The following DOCK6 variants were observed in gnomAD, a reference collection of about 807,000 sequenced individuals.
DOCK6 encodes dedicator of cytokinesis protein 6.
Under a neutral mutation model 230.3 loss-of-function variants are expected in DOCK6, and 167 were observed. The ratio of observed to expected loss-of-function variants is 0.73; its 90% CI spans 0.64 to 0.82. The LOEUF is 0.82. Ranked by LOEUF, DOCK6 falls within the 40% of genes least tolerant of loss-of-function variation. The pLI is 0.00. For synonymous variants in DOCK6, 1,148 were observed against 1,185.0 expected, an observed-to-expected ratio of 0.97 and a Z score of 0.64; for missense variants, 2,598 against 2,825.8, an observed-to-expected ratio of 0.92 and a Z score of 1.83.
In DOCK6 at chr19:11,228,966, G is replaced by T. The variant is rs1318111986; in HGVS notation, c.2788C>A (p.His930Asn). ...ATGAGCTGGAAGAAGAACCAGGCGT[G>T]CTGGAGGATGGCCTCGCGTACGGCA... ...SSAVREAILQ[H>N]AWFFFQLMVK... The change falls in exon 23 of 48, where the codon CAC becomes AAC. Residue 930 changes from histidine (H) to asparagine (N), a missense_variant. Coordinates refer to ENST00000294618, the MANE Select transcript of DOCK6 (RefSeq NM_020812.4). The T allele has an allele frequency of 3.7e-6, 6 of 1,613,700 alleles. No individual in the cohort carries two copies. The highest frequency in any genetic ancestry group is 5.1e-6 in the Non-Finnish European group (6 of 1,179,790).
Position 11,237,704 on chromosome 19 carries a change from G to A in DOCK6, c.1908C>T (p.Thr636=), listed in dbSNP as rs545383371. Residue 636 remains threonine, a synonymous_variant, in exon 17 of 48, where the codon ACC becomes ACT. Coordinates refer to ENST00000294618, the MANE Select transcript of DOCK6 (RefSeq NM_020812.4). ...CVTENHHLLF[T]FYHVSCQPRP... Reference sequence around the variant, plus strand: ...GGGGCTGGCAGCTGACATGGTAGAAGGTGAACAGCAGGTGATGGTTCTCTG... The same window carrying A: ...GGGGCTGGCAGCTGACATGGTAGAAAGTGAACAGCAGGTGATGGTTCTCTG... The A allele has an allele frequency of 2.7e-5, 43 of 1,591,108 alleles. 1 individual carries two copies. The South Asian group carries it at 4.9e-4, about 18-fold the overall frequency.
intron 22 of DOCK6, chr19:11,229,317 A>T: frequency 8.4e-7 from 1 of 1,184,146 alleles, no homozygotes; most frequent in Non-Finnish European, 1.1e-6. Context: ...AGTGGGTCTC[A>T]GCTGGGTGGC....
rs2147853794 is a variant in DOCK6, at chr19:11,243,713, G to A, written c.1105-3C>T. On this transcript the variant is annotated splice_polypyrimidine_tract_variant and splice_region_variant and intron_variant, in intron 10 of 47. Transcript: ENST00000294618. This position sits in a 1 kb window ranked among gnomAD's most constrained non-coding sequence, Gnocchi z 6.3. Reference sequence around the variant, plus strand: ...AGCTTCTCTAGCTTCTCTTTGTTCTGTGGGGAGACCCCGTCCCCTGCCAGC... The same window carrying A: ...AGCTTCTCTAGCTTCTCTTTGTTCTATGGGGAGACCCCGTCCCCTGCCAGC... 1 of 1,613,840 alleles carries A rather than the reference G, an allele frequency of 6.2e-7. No individual in the cohort carries two copies. The highest frequency in any genetic ancestry group is 8.5e-7 in the Non-Finnish European group (1 of 1,179,868).
chr19:11,218,249 C>T (rs568147858), intron 28 of DOCK6, among the ~76,000 whole-genome samples: 4 of 152,142 alleles, frequency 2.6e-5, no homozygotes, highest in South Asian at 2.1e-4. Flanking sequence ...CGGGTTCAAG[C>T]AATTCTCGTG....
chr19:11,260,892 A>AAAAAAAAAAAG (rs1423289379), intron 1 of DOCK6, among the ~76,000 whole-genome samples: 2 of 148,496 alleles, frequency 1.3e-5, no homozygotes, highest in African/African-American at 5.1e-5. Context: ...CAAAAAAAAA[A>AAAAAAAAAAAG]AAAGAAAGAA....
Position 11,247,849 on chromosome 19 carries a change from T to C in DOCK6, c.806+217A>G, listed in dbSNP as rs186296477. The C allele has an allele frequency of 1.5e-3, 838 of 556,488 alleles. 6 individuals are homozygous for C. Among genetic ancestry groups the C allele is most frequent in the African/African-American group, 0.014 (763 of 53,364 alleles). 34.5% of individuals were successfully genotyped at this position (556,488 alleles called of 1,614,324 possible). The stretch of plus-strand genomic sequence containing the variant: ...AGACGGGTTCATATACATGAAAGGC[T>C]GAGAACTGATCCTGGCATACAATTG... On this transcript the variant is annotated intron_variant, in intron 7 of 47. Transcript: ENST00000294618.
rs757579469 is a variant in DOCK6, at chr19:11,221,999, C to T, written c.3402G>A (p.Lys1134=). The T allele has an allele frequency of 1.9e-6, 3 of 1,611,444 alleles. No homozygotes were observed. The highest frequency in any genetic ancestry group is 2.5e-6 in the Non-Finnish European group (3 of 1,177,916). The change falls in exon 28 of 48, where the codon AAG becomes AAA. Residue 1134 remains lysine (K), a synonymous_variant. Coordinates refer to ENST00000294618, the MANE Select transcript of DOCK6 (RefSeq NM_020812.4). ...EAEGAFLLHK[K]AISAVHSLLC... Reference sequence around the variant, plus strand: ...GCAGGCTGTGCACAGCACTGATGGCCTTCTTGTGCAACAGGAATGCCCTAT... The same window carrying T: ...GCAGGCTGTGCACAGCACTGATGGCTTTCTTGTGCAACAGGAATGCCCTAT...
At chr19:11,212,558 TTTCTTTC>T (rs1469785849) in intron 35 of DOCK6, among the ~76,000 whole-genome samples, 1 of 110,732 alleles carries the variant, frequency 9.0e-6, no homozygotes, top group Admixed American at 1.0e-4. Context: ...CTTTTCTTTC[TTTCTTTC>T]TTTTTTTTTT....
intron 28 of DOCK6, among the ~76,000 whole-genome samples, chr19:11,218,627 T>C (rs1026639127): frequency 1.3e-5 from 2 of 151,832 alleles, no homozygotes; most frequent in African/African-American, 4.8e-5. Context: ...TTTGTAGTTT[T>C]TGCAGAGACG....
At chr19:11,233,549 A>C (rs1276614906) in intron 21 of DOCK6, among the ~76,000 whole-genome samples, 183 bp from the exon 22 acceptor site, 1 of 152,162 alleles carries the variant, frequency 6.6e-6, no homozygotes, top group Non-Finnish European at 1.5e-5. Context: ...AAAACTGAGA[A>C]TAGGCCAGGT....
rs1270648697 is a variant in DOCK6 at position 11,251,063 on chromosome 19, G to A, written c.531C>T (p.Gly177=). ...EDSNDSRRGS[G]SPEDTPRSSG... is the part of the protein sequence containing the mutation. The stretch of plus-strand genomic sequence containing the variant: ...TGCTTCGAGGGGTGTCTTCCGGGGA[G>A]CCCGAGCCACGCCGGGAGTCATTCT... Residue 177 remains glycine (G), a synonymous_variant, in exon 6 of 48, where the codon GGC becomes GGT. Transcript: ENST00000294618. 1.9e-6 allele frequency: 3 copies of A among 1,612,362 alleles called. No homozygotes were observed. In the South Asian group the frequency reaches 3.3e-5, roughly 18 times the overall value.
In DOCK6 at chr19:11,208,943, G is replaced by A. The variant is rs370048275; in HGVS notation, c.4912C>T (p.Arg1638Cys). Residue 1638 changes from arginine (R) to cysteine (C), a missense_variant, in exon 38 of 48, where the codon CGC becomes TGC. Arg to Cys is a radical substitution (Grantham distance 180). Coordinates refer to ENST00000294618, the MANE Select transcript of DOCK6 (RefSeq NM_020812.4). Reference protein sequence around the residue: ...AEYLALLEDHRHLPVGCVSFQ... With the variant: ...AEYLALLEDHCHLPVGCVSFQ... ...GAAACGCAGCCCACGGGCAGGTGGCGGTGGTCCTCGAGCAGGGCGAGGTAC... is the reference window on the plus strand; with the variant it reads ...GAAACGCAGCCCACGGGCAGGTGGCAGTGGTCCTCGAGCAGGGCGAGGTAC... 2.3e-5 allele frequency: 37 copies of A among 1,597,534 alleles called. No homozygotes were observed. Among genetic ancestry groups the A allele is most frequent in the Middle Eastern group, 1.7e-4 (1 of 6,038 alleles).
At position 11,215,378 on chromosome 19, in the gene DOCK6, CA is replaced by C; in HGVS notation, c.4106+8del. The C allele has an allele frequency of 8.1e-6, 13 of 1,613,116 alleles. No individual in the cohort carries two copies. The highest frequency in any genetic ancestry group is 1.0e-5 in the Non-Finnish European group (12 of 1,179,400). On this transcript the variant is annotated splice_region_variant and intron_variant, in intron 32 of 47. Coordinates refer to ENST00000294618, the MANE Select transcript of DOCK6 (RefSeq NM_020812.4). ...TGAACTCAGCAGACACCCTCCTGCC[CA>C]CACCTACTTGTCCACGCGGTCTGAG...
chr19:11,215,526 ACAT>A, intron 31 of DOCK6, 55 bp from the exon 32 acceptor site: 1 of 1,523,726 alleles, frequency 6.6e-7, no homozygotes. Context: ...GCACACGTGA[ACAT>A]CAGGAGAAAT....
Position 11,204,323 on chromosome 19 carries a change from G to C in DOCK6, c.5097C>G (p.Leu1699=). The change falls in exon 40 of 48, where the codon CTC becomes CTG. Residue 1699 remains leucine (L), a synonymous_variant. Coordinates refer to ENST00000294618, the MANE Select transcript of DOCK6 (RefSeq NM_020812.4). ...TGTAGACCTCATTCACCGCCTCGTA[G>C]AGCCCGCCCTGAGGGTGAGGTGGGG... The part of the protein sequence containing the change: ...QAAGYFTMGG[L]YEAVNEVYKN... 1 of 1,611,916 alleles carries C rather than the reference G, an allele frequency of 6.2e-7. No individual in the cohort carries two copies. The highest frequency in any genetic ancestry group is 8.5e-7 in the Non-Finnish European group (1 of 1,178,974).
At chr19:11,235,961 A>C (rs1599255327) in intron 20 of DOCK6, 1 of 601,618 alleles carries the variant, frequency 1.7e-6, no homozygotes. Context: ...GCTCACTGTC[A>C]CCTCCGCCTC....
At chr19:11,205,543 C>T (rs1158732025) in intron 39 of DOCK6, among the ~76,000 whole-genome samples, 2 of 152,160 alleles carry the variant, frequency 1.3e-5, no homozygotes, top group African/African-American at 2.4e-5. Flanking sequence ...CGGGGTTTCA[C>T]CATATTGGCC....
At chr19:11,235,875 A>T in intron 20 of DOCK6, 116 bp from the exon 21 acceptor site, 3 of 1,282,208 alleles carry the variant, frequency 2.3e-6, no homozygotes, top group Non-Finnish European at 3.0e-6. Flanking sequence ...AAGGGGTCAC[A>T]AATTTTTTTT....
intron 14 of DOCK6, chr19:11,240,022 A>G (rs2147841602): frequency 6.5e-7 from 1 of 1,547,996 alleles, no homozygotes; most frequent in African/African-American, 1.4e-5. Context: ...TGGTTTGCCC[A>G]GGACTGAAGG....
Sources: gnomAD v4.1 joint callset for allele counts (sites outside exome capture counted in the v4.1 genomes callset) on GRCh38, gnomAD v4.1.1 for gene constraint, Gnocchi (gnomAD v3.1) non-coding constraint, MANE v1.5 for transcripts, NCBI Gene and HGNC (gene_info 2026-07-23, HGNC 2026-07-21) for gene names.